Variants in SGMS1 observed in about 807,000 individuals in gnomAD.
SGMS1 encodes the protein phosphatidylcholine:ceramide cholinephosphotransferase 1.
Under a neutral mutation model 46.2 loss-of-function variants are expected in SGMS1, and 13 were observed. That is an observed-to-expected ratio of 0.28 (90% CI 0.18 to 0.45). SGMS1 has a LOEUF of 0.45. SGMS1 is among the 20% of genes least tolerant of loss of function. The pLI is 1.00. For missense variants in SGMS1, 324 were observed against 519.9 expected (o/e 0.62, Z 3.66); for synonymous variants, 203 against 187.8 (o/e 1.08, Z -0.66).
At chr10:50,438,043 GA>G (rs1385395295) in intron 5 of SGMS1, among the ~76,000 whole-genome samples, 1 of 152,120 alleles carries the variant, frequency 6.6e-6, no homozygotes, top group Non-Finnish European at 1.5e-5. Context: ...CAGAAGGAAG[GA>G]AAAAAGCAGA....
At chr10:50,562,815 T>A (rs897065531) in intron 2 of SGMS1, among the ~76,000 whole-genome samples, 60 of 152,096 alleles carry the variant, frequency 3.9e-4, no homozygotes, top group African/African-American at 1.1e-3. Context: ...AAGTGCTGGG[T>A]TTACAAGCGT....
chr10:50,618,066 G>A, intron 1 of SGMS1, among the ~76,000 whole-genome samples: 1 of 151,982 alleles, frequency 6.6e-6, no homozygotes, highest in East Asian at 1.9e-4. Flanking sequence ...ATGTGTCTGT[G>A]GGAATCTGAG....
chr10:50,596,800 C>T (rs752353537), intron 1 of SGMS1, among the ~76,000 whole-genome samples: 1 of 152,216 alleles, frequency 6.6e-6, no homozygotes, highest in Admixed American at 6.5e-5. Flanking sequence ...AAACCCCTCA[C>T]TCAACAACCC....
chr10:50,461,488 T>C (rs1837263791), intron 4 of SGMS1, among the ~76,000 whole-genome samples: 2 of 152,224 alleles, frequency 1.3e-5, no homozygotes, highest in Admixed American at 1.3e-4. Context: ...TAGTATATTT[T>C]AGTTCGATCA....
intron 3 of SGMS1, among the ~76,000 whole-genome samples, chr10:50,479,685 T>A (rs1304325753): frequency 6.6e-6 from 1 of 152,140 alleles, no homozygotes; most frequent in Non-Finnish European, 1.5e-5. Context: ...AATTTGCCCT[T>A]GGTCAAAAGC....
chr10:50,527,666 G>A (rs1382746034), intron 2 of SGMS1, among the ~76,000 whole-genome samples: 1 of 152,158 alleles, frequency 6.6e-6, no homozygotes, highest in African/African-American at 2.4e-5. Flanking sequence ...TGGGTTACTT[G>A]TGCTATCTTG....
At chr10:50,420,101 C>T (rs982460270) in intron 6 of SGMS1, among the ~76,000 whole-genome samples, 58 of 152,150 alleles carry the variant, frequency 3.8e-4, no homozygotes, top group Admixed American at 1.1e-3. Flanking sequence ...GAAGCAAGAT[C>T]GGCCTATAGC....
rs186057791 is a variant in SGMS1, at chr10:50,516,024, A to G, written c.-498+3807T>C. ...ATCCTACCTGTAATCTACAAAGCAA[A>G]GAGACTGCAAATTAGAGACATGCCT... On this transcript the variant is annotated intron_variant, in intron 3 of 10. Transcript: ENST00000361781. 2.6e-5 allele frequency among the ~76,000 whole-genome samples: 4 copies of G among 152,320 alleles called. No individual in the cohort carries two copies. In the East Asian group the frequency reaches 7.7e-4, roughly 29 times the overall value.
At chr10:50,566,424 TTTTAC>T (rs1838288356) in intron 2 of SGMS1, among the ~76,000 whole-genome samples, 1 of 152,296 alleles carries the variant, frequency 6.6e-6, no homozygotes, top group East Asian at 1.9e-4. Flanking sequence ...ACATATTGAT[TTTTAC>T]TTTACTCTGT....
At chr10:50,597,766 A>G (rs1838608675) in intron 1 of SGMS1, among the ~76,000 whole-genome samples, 1 of 152,124 alleles carries the variant, frequency 6.6e-6, no homozygotes, top group Non-Finnish European at 1.5e-5. Context: ...TAATCCCAGC[A>G]CTTTGGGAGG....
intron 6 of SGMS1, among the ~76,000 whole-genome samples, chr10:50,396,387 C>T (rs148164106): frequency 3.9e-4 from 59 of 152,200 alleles, no homozygotes; most frequent in African/African-American, 1.3e-3. Context: ...GGATGTTTTG[C>T]ATTTCAGAAG....
chr10:50,560,359 A>G (rs556799560), intron 2 of SGMS1, among the ~76,000 whole-genome samples: 4 of 138,138 alleles, frequency 2.9e-5, no homozygotes, highest in African/African-American at 1.1e-4. Context: ...TATATATTAT[A>G]ATACATATTA....
At chr10:50,500,225 C>T (rs1282549362) in intron 3 of SGMS1, among the ~76,000 whole-genome samples, 1 of 152,142 alleles carries the variant, frequency 6.6e-6, no homozygotes, top group Non-Finnish European at 1.5e-5. Flanking sequence ...TGTAGATTTC[C>T]TGGGTATCTT....
At chr10:50,613,237 A>C (rs1243424814) in intron 1 of SGMS1, among the ~76,000 whole-genome samples, 1 of 152,212 alleles carries the variant, frequency 6.6e-6, no homozygotes, top group East Asian at 1.9e-4. Flanking sequence ...TGACACAGGG[A>C]AACTGGGCAG....
At chr10:50,313,719 A>G (rs4935605) in intron 8 of SGMS1, among the ~76,000 whole-genome samples, 34,669 of 152,170 alleles carry the variant, frequency 0.23, 4,548 homozygotes, top group Middle Eastern at 0.35. Flanking sequence ...GATAAATCAT[A>G]TTCTCAAGGC....
chr10:50,316,684 T>G (rs572415084), intron 8 of SGMS1, among the ~76,000 whole-genome samples: 1 of 152,224 alleles, frequency 6.6e-6, no homozygotes, highest in South Asian at 2.1e-4. Context: ...GAATAGAAAA[T>G]TCATTATCAT....
chr10:50,330,697 G>A (rs1214128801), intron 7 of SGMS1, among the ~76,000 whole-genome samples: 1 of 152,188 alleles, frequency 6.6e-6, no homozygotes, highest in African/African-American at 2.4e-5. Context: ...TGACAATGGT[G>A]CAGTGGAACT....
intron 1 of SGMS1, among the ~76,000 whole-genome samples, chr10:50,591,752 A>G (rs1388378132): frequency 6.6e-6 from 1 of 152,242 alleles, no homozygotes; most frequent in Non-Finnish European, 1.5e-5. Flanking sequence ...AACGCAAAAT[A>G]CACTAGAATA....
intron 1 of SGMS1, among the ~76,000 whole-genome samples, chr10:50,591,563 T>C (rs1838541230): frequency 1.3e-5 from 2 of 152,194 alleles, no homozygotes; most frequent in Admixed American, 6.5e-5. Flanking sequence ...TAACCCTTAA[T>C]GTATTTTTGC....
Sources: allele counts gnomAD v4.1 joint callset (sites outside exome capture counted in the v4.1 genomes callset), GRCh38; gene constraint gnomAD v4.1.1; transcripts MANE v1.5; gene names NCBI Gene and HGNC (gene_info 2026-07-23, HGNC 2026-07-21).